FCGR1A: variants seen among roughly 807,000 people sequenced by gnomAD.
FCGR1A encodes Fc gamma receptor Ia, also known as high affinity immunoglobulin gamma Fc receptor I.
FCGR1A carries 13 observed loss-of-function variants against 35.0 expected under a neutral mutation model. The ratio of observed to expected loss-of-function variants is 0.37; its 90% CI spans 0.24 to 0.59. The LOEUF (loss-of-function observed/expected upper bound fraction) is 0.59. Among genes scored for constraint, FCGR1A ranks in the 20% least tolerant of loss-of-function variants. The pLI, the probability that FCGR1A is intolerant of heterozygous loss-of-function variation, is 0.71. For missense variants in FCGR1A, 227 were observed against 430.0 expected (o/e 0.53, Z 4.17); for synonymous variants, 91 against 164.7 (o/e 0.55, Z 3.43).
chr1:149,790,240 C>T lies in FCGR1A; in HGVS notation c.746C>T (p.Thr249Ile), dbSNP rs1301953072. 10 of 1,609,860 alleles carry T rather than the reference C, an allele frequency of 6.2e-6. No homozygotes were observed. Among genetic ancestry groups the T allele is most frequent in the Admixed American group, 3.4e-5 (2 of 59,360 alleles). Residue 249 changes from threonine (T) to isoleucine (I), a missense_variant, in exon 5 of 6, where the codon ACT becomes ATT. By Grantham distance (89) the Thr-to-Ile change is moderately conservative. This residue lies in a region of FCGR1A where 185 missense variants were observed against 306.6 expected (regional missense o/e 0.60). Transcript: ENST00000369168. ...ACATCCTCTGAATACCAAATACTAA[C>T]TGCTAGAAGAGAAGACTCTGGGTTA... is the stretch of plus-strand genomic sequence containing the variant. ...RNTSSEYQILTARREDSGLYW... is the reference protein window; with the variant it reads ...RNTSSEYQILIARREDSGLYW...
chr1:149,784,282 G>C (rs782538625), intron 3 of FCGR1A, 25 bp downstream of exon 3: 2 of 1,609,272 alleles, frequency 1.2e-6, no homozygotes, highest in Admixed American at 3.3e-5. Flanking sequence ...GACCAGGAGG[G>C]CCGGAAACCA....
At chr1:149,798,597 AATGT>A in the FCGR1A span, among the ~76,000 whole-genome samples, 1 of 151,454 alleles carries the variant, frequency 6.6e-6, no homozygotes, top group Non-Finnish European at 1.5e-5. Context: ...GCCATATATA[AATGT>A]ATTTTTAAAC....
the FCGR1A span, among the ~76,000 whole-genome samples, chr1:149,798,942 T>G: frequency 6.7e-5 from 10 of 149,986 alleles, no homozygotes; most frequent in African/African-American, 2.5e-4. Context: ...AGTAATAATA[T>G]CTATATCCTA....
downstream of FCGR1A, chr1:149,793,223 G>A (rs1553752415): frequency 4.7e-6 from 6 of 1,265,968 alleles, no homozygotes; most frequent in Non-Finnish European, 6.1e-6. Context: ...TTGGCTTGTC[G>A]CAAGAGCAGC....
intron 3 of FCGR1A, chr1:149,785,672 A>G (rs1228572585): frequency 2.0e-5 from 3 of 152,050 alleles, no homozygotes; most frequent in African/African-American, 4.8e-5. Context: ...TTTTTATATT[A>G]CATTTTAATG....
At chr1:149,789,323 G>T (rs150770423) in intron 4 of FCGR1A, among the ~76,000 whole-genome samples, 8,176 of 152,040 alleles carry the variant, frequency 0.054, 307 homozygotes, top group Non-Finnish European at 0.081. Flanking sequence ...AACCCGGGAA[G>T]CGGAGCTTGC....
chr1:149,796,895 G>C, the FCGR1A span, among the ~76,000 whole-genome samples: 1 of 152,066 alleles, frequency 6.6e-6, no homozygotes, highest in Non-Finnish European at 1.5e-5. Flanking sequence ...CTCAGTGTTT[G>C]GTAAAGCTGT....
the FCGR1A span, among the ~76,000 whole-genome samples, chr1:149,797,848 G>C: frequency 6.6e-6 from 1 of 152,134 alleles, no homozygotes; most frequent in Admixed American, 6.5e-5. Flanking sequence ...GGGAGGCCAA[G>C]GCGATCTGCC....
In FCGR1A at chr1:149,788,573, G is replaced by T; in HGVS notation, c.515G>T (p.Gly172Val). ...GGCACCTACCATTGCTCAGGCATGG[G>T]AAAGCATCGCTACACATCAGCAGGA... ...HNGTYHCSGM[G>V]KHRYTSAGIS... Residue 172 changes from glycine (G) to valine (V), a missense_variant, in exon 4 of 6, where the codon GGA becomes GTA. Physicochemically the swap from Gly to Val is moderately radical, Grantham distance 109 (BLOSUM62 -3). Transcript: ENST00000369168. 1 of 1,613,974 alleles carries T rather than the reference G, an allele frequency of 6.2e-7. No homozygotes were observed. The highest frequency in any genetic ancestry group is 8.5e-7 in the Non-Finnish European group (1 of 1,179,866).
chr1:149,799,603 A>C, the FCGR1A span, among the ~76,000 whole-genome samples: 1 of 152,228 alleles, frequency 6.6e-6, no homozygotes, highest in Non-Finnish European at 1.5e-5. Flanking sequence ...TGCAGTGCAC[A>C]ATCAGCAAAT....
At chr1:149,799,961 A>T in the FCGR1A span, among the ~76,000 whole-genome samples, 1 of 151,954 alleles carries the variant, frequency 6.6e-6, no homozygotes, top group African/African-American at 2.4e-5. Flanking sequence ...TTTTTACACT[A>T]TTTATCAGGA....
At chr1:149,800,343 G>A in the FCGR1A span, among the ~76,000 whole-genome samples, 2 of 152,022 alleles carry the variant, frequency 1.3e-5, no homozygotes, top group African/African-American at 4.8e-5. Flanking sequence ...AGGAATCACT[G>A]ATTAAACCAT....
chr1:149,793,297 C>T (rs1446805602), downstream of FCGR1A: 677 of 1,189,472 alleles, frequency 5.7e-4, no homozygotes, highest in Non-Finnish European at 7.0e-4. Context: ...CCTCCCCGTC[C>T]AGCTCGGAGG....
At chr1:149,799,459 T>A in the FCGR1A span, among the ~76,000 whole-genome samples, 17 of 152,150 alleles carry the variant, frequency 1.1e-4, no homozygotes, top group African/African-American at 4.1e-4. Context: ...GATGTATGTA[T>A]GCATTTAGAT....
chr1:149,786,606 C>G (rs2091556704), intron 3 of FCGR1A: 1 of 151,898 alleles, frequency 6.6e-6, no homozygotes, highest in South Asian at 2.1e-4. Flanking sequence ...GTTGGTGGAC[C>G]CGAGCCCTAA....
At chr1:149,785,713 A>C (rs1553750770) in intron 3 of FCGR1A, 1 of 152,120 alleles carries the variant, frequency 6.6e-6, no homozygotes, top group East Asian at 1.9e-4. Flanking sequence ...ACTTATGTAC[A>C]ACAAGCCATA....
intron 4 of FCGR1A, among the ~76,000 whole-genome samples, chr1:149,789,104 C>G (rs1232612859): frequency 1.3e-5 from 2 of 151,590 alleles, no homozygotes; most frequent in African/African-American, 4.9e-5. Context: ...TGCATATGGC[C>G]TTGTTCTGAC....
the FCGR1A span, among the ~76,000 whole-genome samples, chr1:149,800,139 A>G: frequency 7.7e-3 from 1,170 of 152,092 alleles, 12 homozygotes; most frequent in African/African-American, 0.027. Context: ...ACTCAGAGAA[A>G]CACTTGGGTT....
At chr1:149,799,342 A>G in the FCGR1A span, among the ~76,000 whole-genome samples, 1 of 152,186 alleles carries the variant, frequency 6.6e-6, no homozygotes, top group African/African-American at 2.4e-5. Flanking sequence ...TTTTCCCTGA[A>G]TGTGTTTAGA....
Sources: gnomAD v4.1 joint callset for allele counts (sites outside exome capture counted in the v4.1 genomes callset) on GRCh38, gnomAD v4.1.1 for gene constraint, gnomAD v4.1.1 regional missense constraint, MANE v1.5 for transcripts, NCBI Gene and HGNC (gene_info 2026-07-23, HGNC 2026-07-21) for gene names.